The following PRKAR1A variants were observed in gnomAD, a reference collection of about 807,000 sequenced individuals.
PRKAR1A encodes the protein cAMP-dependent protein kinase type I-alpha regulatory subunit.
Under a neutral mutation model 52.0 loss-of-function variants are expected in PRKAR1A, and 3 were observed. The ratio of observed to expected loss-of-function variants is 0.06; its 90% CI spans 0.03 to 0.15. The LOEUF is 0.15. PRKAR1A is among the 10% of genes least tolerant of loss of function. The pLI is 1.00. For synonymous variants in PRKAR1A, 188 were observed against 168.4 expected, an observed-to-expected ratio of 1.12 and a Z score of -0.90; for missense variants, 240 against 477.4, an observed-to-expected ratio of 0.50 and a Z score of 4.63.
the PRKAR1A span, chr17:68,436,549 C>A: frequency 4.8e-6 from 7 of 1,447,870 alleles, no homozygotes; most frequent in Non-Finnish European, 6.8e-6. Flanking sequence ...GAGAGGGCAT[C>A]TGAAAACAGT....
chr17:68,505,714 G>A, the PRKAR1A span, among the ~76,000 whole-genome samples: 21,517 of 152,066 alleles, frequency 0.14, 1,618 homozygotes, highest in South Asian at 0.18. Flanking sequence ...TCAGGAAGCT[G>A]GGATAGGAGA....
intron 8 of PRKAR1A, 133 bp from the exon 9 acceptor site, chr17:68,528,736 AC>A: frequency 8.5e-7 from 1 of 1,182,918 alleles, no homozygotes; most frequent in South Asian, 1.3e-5. Flanking sequence ...GAAGACAGGT[AC>A]CACTTTTAAT....
chr17:68,541,399 G>T, intron 11 of PRKAR1A: 1 of 219,614 alleles, frequency 4.6e-6, no homozygotes, highest in Non-Finnish European at 9.3e-6. Flanking sequence ...TCATCCGAGG[G>T]CTCTTCTCAG....
chr17:68,533,266 ATTTC>A lies in PRKAR1A; in HGVS notation c.*2820_*2823del. 1 of 1,063,476 alleles carries A rather than the reference ATTTC, an allele frequency of 9.4e-7. No individual in the cohort carries two copies. The highest frequency in any genetic ancestry group is 1.1e-6 in the Non-Finnish European group (1 of 877,852). 65.9% of individuals were successfully genotyped at this position (1,063,476 alleles called of 1,614,324 possible). A position where few individuals can be genotyped will look rare whatever the true frequency, so the allele number is the denominator to read the frequency against. On this transcript the variant is annotated 3_prime_UTR_variant, in exon 11 of 11. Coordinates refer to ENST00000589228, the MANE Select transcript of PRKAR1A (RefSeq NM_002734.5). ...AAGTTGTATTCATTAGTGTATTGGTATTTCTTCACATCCAGTGAAATTGGAGATA... is the reference window on the plus strand; with the variant it reads ...AAGTTGTATTCATTAGTGTATTGGTATTCACATCCAGTGAAATTGGAGATA...
chr17:68,482,520 A>G, the PRKAR1A span, among the ~76,000 whole-genome samples: 1 of 152,234 alleles, frequency 6.6e-6, no homozygotes, highest in African/African-American at 2.4e-5. Flanking sequence ...GGAAAAAAAT[A>G]AATATTTTAA....
the PRKAR1A span, among the ~76,000 whole-genome samples, chr17:68,463,749 G>A: frequency 1.3e-5 from 2 of 152,174 alleles, no homozygotes; most frequent in East Asian, 3.8e-4. Context: ...GAGCAGCGAG[G>A]AGGCAGGGCC....
chr17:68,460,129 A>ATTTT, the PRKAR1A span, among the ~76,000 whole-genome samples: 1 of 151,404 alleles, frequency 6.6e-6, no homozygotes, highest in Non-Finnish European at 1.5e-5. Context: ...TCAGATTTTA[A>ATTTT]TTTTTTTTTA....
the PRKAR1A span, among the ~76,000 whole-genome samples, chr17:68,485,100 C>G: frequency 6.6e-6 from 1 of 152,242 alleles, no homozygotes; most frequent in African/African-American, 2.4e-5. Context: ...CAAGGGCATA[C>G]TGTGGGCTGC....
the PRKAR1A span, among the ~76,000 whole-genome samples, chr17:68,478,790 C>T: frequency 2.3e-3 from 356 of 151,510 alleles, 6 homozygotes; most frequent in East Asian, 0.036. Flanking sequence ...CACAGTGGCA[C>T]GATCTCGGCT....
chr17:68,546,460 T>C (rs2086571186), intron 11 of PRKAR1A, among the ~76,000 whole-genome samples: 1 of 152,038 alleles, frequency 6.6e-6, no homozygotes, highest in Admixed American at 6.5e-5. Flanking sequence ...CCAGAAAGTT[T>C]TCAAATGACC....
the PRKAR1A span, among the ~76,000 whole-genome samples, chr17:68,456,614 AT>A: frequency 6.6e-6 from 1 of 152,262 alleles, no homozygotes; most frequent in Admixed American, 6.5e-5. Context: ...AACATTAAAA[AT>A]CCACTCAAAA....
chr17:68,494,652 G>T, the PRKAR1A span, among the ~76,000 whole-genome samples: 8 of 152,080 alleles, frequency 5.3e-5, no homozygotes, highest in Non-Finnish European at 8.8e-5. Context: ...ATTCTGTCTG[G>T]TAGCCCTGAC....
intron 4 of PRKAR1A, 49 bp downstream of exon 4, chr17:68,523,865 C>A: frequency 6.3e-7 from 1 of 1,596,098 alleles, no homozygotes; most frequent in South Asian, 1.1e-5. Context: ...AGGGTGTGAT[C>A]CCAAATTGTT....
At chr17:68,546,101 A>G (rs778818801) in intron 11 of PRKAR1A, among the ~76,000 whole-genome samples, 33 of 145,896 alleles carry the variant, frequency 2.3e-4, no homozygotes, top group African/African-American at 6.8e-4. Context: ...CCCAGGAGGC[A>G]GAGGTTGCAG....
At chr17:68,415,206 G>T in the PRKAR1A span, among the ~76,000 whole-genome samples, 1 of 152,036 alleles carries the variant, frequency 6.6e-6, no homozygotes, top group East Asian at 1.9e-4. Flanking sequence ...TATCCCAGAG[G>T]TTTTGATAGG....
At chr17:68,527,500 G>A in intron 7 of PRKAR1A, 1 of 275,888 alleles carries the variant, frequency 3.6e-6, no homozygotes. Context: ...TTTAAAGTGT[G>A]TGGAAAAATA....
the PRKAR1A span, chr17:68,426,081 A>G: frequency 6.2e-7 from 1 of 1,612,678 alleles, no homozygotes; most frequent in African/African-American, 1.3e-5. Context: ...TCACAGGAGG[A>G]AACTCATTCT....
the PRKAR1A span, chr17:68,430,266 GAGAC>G: frequency 1.7e-6 from 2 of 1,170,736 alleles, no homozygotes; most frequent in Non-Finnish European, 2.4e-6. Context: ...GCAGCAGGGA[GAGAC>G]TGTGCCTTAG....
chr17:68,509,756 T>C (rs2085238486), upstream of PRKAR1A, among the ~76,000 whole-genome samples: 1 of 152,190 alleles, frequency 6.6e-6, no homozygotes, highest in African/African-American at 2.4e-5. Context: ...TCACTGAACT[T>C]TCCCCGGGCT....
Sources: allele counts gnomAD v4.1 joint callset (sites outside exome capture counted in the v4.1 genomes callset), GRCh38; gene constraint gnomAD v4.1.1; transcripts MANE v1.5; gene names NCBI Gene and HGNC (gene_info 2026-07-23, HGNC 2026-07-21).